DDC: variants seen among roughly 807,000 people sequenced by gnomAD.
DDC encodes aromatic-L-amino-acid decarboxylase.
DDC carries 43 observed loss-of-function variants against 60.0 expected under a neutral mutation model. The ratio of observed to expected loss-of-function variants is 0.72; its 90% CI spans 0.56 to 0.92. The LOEUF is 0.92. Ranked by LOEUF, DDC falls within the 40% of genes least tolerant of loss-of-function variation. The probability of loss-of-function intolerance (pLI) is 0.00; values close to 1 mark genes in which losing one functional copy is unlikely to be tolerated. For synonymous variants in DDC, 232 were observed against 234.6 expected, an observed-to-expected ratio of 0.99 and a Z score of 0.10; for missense variants, 573 against 620.2, an observed-to-expected ratio of 0.92 and a Z score of 0.81.
At chr7:50,494,226 G>A (rs1026544304) in intron 9 of DDC, among the ~76,000 whole-genome samples, 5 of 152,068 alleles carry the variant, frequency 3.3e-5, no homozygotes, top group Admixed American at 1.3e-4. Context: ...AAGAATTTCC[G>A]GCCAGGCACC....
At chr7:50,471,717 G>A (rs995261876) in intron 11 of DDC, among the ~76,000 whole-genome samples, 7 of 152,170 alleles carry the variant, frequency 4.6e-5, no homozygotes, top group East Asian at 3.9e-4. Context: ...AGCCTGAGCC[G>A]AACCTGCACA....
chr7:50,548,491 T>C (rs61042486), intron 1 of DDC, among the ~76,000 whole-genome samples: 7,535 of 152,286 alleles, frequency 0.049, 264 homozygotes, highest in African/African-American at 0.099. Context: ...TGGTCTGAAT[T>C]GAAGATCAAA....
At chr7:50,507,855 T>G (rs888081782) in intron 6 of DDC, among the ~76,000 whole-genome samples, 3 of 152,226 alleles carry the variant, frequency 2.0e-5, no homozygotes, top group Non-Finnish European at 2.9e-5. Flanking sequence ...CTATATGATA[T>G]TTAATTGCCA....
intron 1 of DDC, among the ~76,000 whole-genome samples, chr7:50,555,783 G>A (rs2045164837): frequency 6.6e-6 from 1 of 152,178 alleles, no homozygotes; most frequent in African/African-American, 2.4e-5. Context: ...GAGGCGCAGA[G>A]AGGCTGCACA....
chr7:50,466,727 C>T (rs2042407238), intron 13 of DDC, among the ~76,000 whole-genome samples: 1 of 152,186 alleles, frequency 6.6e-6, no homozygotes, highest in South Asian at 2.1e-4. Flanking sequence ...CAGCACGCCA[C>T]AACACAGTGT....
chr7:50,516,832 A>C (rs2043744524), intron 6 of DDC, among the ~76,000 whole-genome samples: 1 of 152,180 alleles, frequency 6.6e-6, no homozygotes, highest in African/African-American at 2.4e-5. Context: ...AACCCTTAAG[A>C]CATGGAGAAA....
chr7:50,519,490 C>A (rs7810677), intron 6 of DDC, among the ~76,000 whole-genome samples: 2,024 of 152,276 alleles, frequency 0.013, 44 homozygotes, highest in African/African-American at 0.044. Flanking sequence ...TGGAACCAAC[C>A]AAATGCCCAT....
rs1440929155 is a variant in DDC at position 50,540,005 on chromosome 7, G to A, written c.225C>T (p.Tyr75=). ...TGGCAGTGGGGAAGTAGGCGAAGAA[G>A]TAGGGGCTGTGCCAGTGCGTCACCT... ...MPGVTHWHSP[Y]FFAYFPTASS... Residue 75 remains tyrosine (Y), a synonymous_variant, in exon 3 of 15, where the codon TAC becomes TAT. Coordinates refer to ENST00000444124, the MANE Select transcript of DDC (RefSeq NM_001082971.2). 9 of 1,613,916 alleles carry A rather than the reference G, an allele frequency of 5.6e-6. No homozygotes were observed. Among genetic ancestry groups the A allele is most frequent in the Non-Finnish European group, 7.6e-6 (9 of 1,179,888 alleles).
At chr7:50,543,548 A>G (rs2044702292) in intron 2 of DDC, 1 of 376,204 alleles carries the variant, frequency 2.7e-6, no homozygotes. Context: ...AGCAGCCACC[A>G]GTGTCTTGCT....
intron 13 of DDC, among the ~76,000 whole-genome samples, chr7:50,466,586 A>G (rs1019487177): frequency 3.3e-5 from 5 of 151,816 alleles, no homozygotes; most frequent in Non-Finnish European, 5.9e-5. Context: ...ACCAAGGGGC[A>G]TGTGTGCAGT....
chr7:50,490,171 C>G (rs1304145052), intron 9 of DDC, among the ~76,000 whole-genome samples: 2 of 152,212 alleles, frequency 1.3e-5, no homozygotes, highest in Non-Finnish European at 2.9e-5. Flanking sequence ...GGGTGACCTA[C>G]AGAGCTAGTA....
chr7:50,488,082 G>A (rs928050196), intron 9 of DDC, among the ~76,000 whole-genome samples: 1 of 151,984 alleles, frequency 6.6e-6, no homozygotes, highest in Non-Finnish European at 1.5e-5. Context: ...AAATTCGCAG[G>A]CTATAAAATT....
At chr7:50,537,823 T>C in intron 4 of DDC, 37 bp downstream of exon 4, 2 of 1,613,878 alleles carry the variant, frequency 1.2e-6, no homozygotes, top group South Asian at 1.1e-5. Context: ...GCAGAGCCCA[T>C]GCATCCCAAA....
chr7:50,461,683 T>G (rs1372974430), intron 14 of DDC, among the ~76,000 whole-genome samples: 1 of 152,216 alleles, frequency 6.6e-6, no homozygotes, highest in Non-Finnish European at 1.5e-5. Flanking sequence ...AGGGATTTGT[T>G]TCATACAGAG....
At chr7:50,530,420 C>G (rs2044166789) in intron 4 of DDC, among the ~76,000 whole-genome samples, 1 of 152,128 alleles carries the variant, frequency 6.6e-6, no homozygotes, top group Non-Finnish European at 1.5e-5. Flanking sequence ...GACTTGCAGC[C>G]TTCGGGACTG....
At chr7:50,468,539 T>C (rs909058284) in intron 12 of DDC, among the ~76,000 whole-genome samples, 6 of 152,206 alleles carry the variant, frequency 3.9e-5, no homozygotes, top group African/African-American at 7.2e-5. Context: ...CAGGTCCTCA[T>C]AGTGCTCGGC....
At chr7:50,564,515 C>A (rs541613612) in intron 1 of DDC, among the ~76,000 whole-genome samples, 1 of 152,340 alleles carries the variant, frequency 6.6e-6, no homozygotes, top group African/African-American at 2.4e-5. Flanking sequence ...ACTGACCACT[C>A]AGAAGTAATG....
At chr7:50,531,180 A>G (rs2044194433) in intron 4 of DDC, among the ~76,000 whole-genome samples, 1 of 152,132 alleles carries the variant, frequency 6.6e-6, no homozygotes, top group Non-Finnish European at 1.5e-5. Flanking sequence ...GCCAGAGGAG[A>G]GAGAAGGGGA....
At chr7:50,536,450 A>C (rs1419908066) in intron 4 of DDC, among the ~76,000 whole-genome samples, 4 of 152,214 alleles carry the variant, frequency 2.6e-5, no homozygotes, top group Non-Finnish European at 4.4e-5. Flanking sequence ...ACTGAGACCC[A>C]TCTCAGATAT....
Sources: allele counts gnomAD v4.1 joint callset (sites outside exome capture counted in the v4.1 genomes callset), GRCh38; gene constraint gnomAD v4.1.1; transcripts MANE v1.5; gene names NCBI Gene and HGNC (gene_info 2026-07-23, HGNC 2026-07-21).